ELOC: variants seen among roughly 807,000 people sequenced by gnomAD.
ELOC encodes the protein elongin-C.
For missense variants in ELOC, 38 were observed against 139.0 expected (o/e 0.27, Z 3.65); for synonymous variants, 40 against 51.3 (o/e 0.78, Z 0.94).
chr8:73,961,926 C>A (rs974525749), intron 1 of ELOC, among the ~76,000 whole-genome samples: 2 of 150,710 alleles, frequency 1.3e-5, no homozygotes, highest in Middle Eastern at 3.3e-3. Context: ...GACAGAGTCT[C>A]ACTCTTTGGC....
intron 1 of ELOC, among the ~76,000 whole-genome samples, chr8:73,967,468 C>CTTTTTT (rs201615321): frequency 7.4e-6 from 1 of 135,852 alleles, no homozygotes; most frequent in Non-Finnish European, 1.6e-5. Flanking sequence ...ATTTTCTTTT[C>CTTTTTT]TTTTTTTTTT....
At chr8:73,954,573 A>C (rs1814015070) in intron 3 of ELOC, among the ~76,000 whole-genome samples, 2 of 149,270 alleles carry the variant, frequency 1.3e-5, no homozygotes, top group Admixed American at 6.7e-5. Context: ...AATCACTTGA[A>C]CCCGGGAGGC....
At chr8:73,956,355 A>G (rs1814188537) in intron 2 of ELOC, among the ~76,000 whole-genome samples, 1 of 152,248 alleles carries the variant, frequency 6.6e-6, no homozygotes, top group African/African-American at 2.4e-5. Flanking sequence ...ACTGTAGTCC[A>G]GCCTGGATGA....
intron 2 of ELOC, among the ~76,000 whole-genome samples, chr8:73,959,242 G>A (rs1814424477): frequency 6.6e-6 from 1 of 152,076 alleles, no homozygotes; most frequent in Non-Finnish European, 1.5e-5. Flanking sequence ...AAATTTACCT[G>A]TTGCCCAGGC....
intron 1 of ELOC, among the ~76,000 whole-genome samples, chr8:73,964,268 A>G (rs1814819886): frequency 2.1e-5 from 3 of 145,902 alleles, no homozygotes; most frequent in Non-Finnish European, 4.5e-5. Context: ...AAAAAAAGAT[A>G]AGCACAGATT....
At chr8:73,970,080 C>T (rs138258414) in intron 1 of ELOC, among the ~76,000 whole-genome samples, 117 of 152,168 alleles carry the variant, frequency 7.7e-4, no homozygotes, top group African/African-American at 2.7e-3. Context: ...ACTTGAGCCC[C>T]CAAAACAAAA....
chr8:73,964,153 A>G (rs2131167130), intron 1 of ELOC, among the ~76,000 whole-genome samples: 1 of 149,896 alleles, frequency 6.7e-6, no homozygotes, highest in South Asian at 2.1e-4. Context: ...AGGTAATCAC[A>G]GTATGTTAAG....
chr8:73,956,195 A>C (rs1422689419), intron 2 of ELOC, 141 bp from the exon 3 acceptor site: 1 of 703,888 alleles, frequency 1.4e-6, no homozygotes, highest in Non-Finnish European at 2.4e-6. Context: ...GTTCAAGACC[A>C]GCCTGGTCAA....
At chr8:73,950,351 AAAAAC>A (rs1215630229) in intron 3 of ELOC, among the ~76,000 whole-genome samples, 2 of 152,212 alleles carry the variant, frequency 1.3e-5, no homozygotes, top group East Asian at 1.9e-4. Flanking sequence ...ACTCAAAAAC[AAAAAC>A]AAAACACTCT....
chr8:73,969,918 G>C (rs1286743917), intron 1 of ELOC, among the ~76,000 whole-genome samples: 2 of 152,198 alleles, frequency 1.3e-5, no homozygotes, highest in Admixed American at 6.5e-5. Flanking sequence ...TACTGGATGG[G>C]CTTTTTCTGC....
rs1813320287 is a variant in ELOC, at chr8:73,945,358, A to C, written c.*1272T>G. 2.0e-5 allele frequency: 3 copies of C among 151,964 alleles called. No individual in the cohort carries two copies. The highest frequency in any genetic ancestry group is 7.3e-5 in the African/African-American group (3 of 41,350). The allele number at this position is 151,964 out of a possible 1,614,324, so 9.4% of individuals were successfully genotyped here. A position where few individuals can be genotyped will look rare whatever the true frequency, so the allele number is the denominator to read the frequency against. Reference sequence around the variant, plus strand: ...GGTCTCAAACTCCTGGCCTCAAGTGATCTACCCGCCTCGTCCTCTGAAAGT... The same window carrying C: ...GGTCTCAAACTCCTGGCCTCAAGTGCTCTACCCGCCTCGTCCTCTGAAAGT... On this transcript the variant is annotated 3_prime_UTR_variant, in exon 4 of 4. Transcript: ENST00000520242.
chr8:73,952,523 G>GT (rs1290404943), intron 3 of ELOC, among the ~76,000 whole-genome samples: 5 of 150,290 alleles, frequency 3.3e-5, no homozygotes, highest in Non-Finnish European at 7.4e-5. Context: ...GCTCATGCCT[G>GT]TAATCCCAGC....
At chr8:73,967,364 T>C (rs1472719306) in intron 1 of ELOC, among the ~76,000 whole-genome samples, 1 of 151,988 alleles carries the variant, frequency 6.6e-6, no homozygotes, top group Non-Finnish European at 1.5e-5. Context: ...GCCACTGGAG[T>C]GCAAAAGCAG....
At chr8:73,961,695 T>C (rs1563682473) in intron 1 of ELOC, among the ~76,000 whole-genome samples, 1 of 152,080 alleles carries the variant, frequency 6.6e-6, no homozygotes, top group Non-Finnish European at 1.5e-5. Context: ...TGTATTTTAG[T>C]AGAGACCAGG....
chr8:73,960,103 G>C (rs1814489903), intron 1 of ELOC, among the ~76,000 whole-genome samples: 1 of 152,094 alleles, frequency 6.6e-6, no homozygotes, highest in South Asian at 2.1e-4. Context: ...TGGGGTTGTT[G>C]AAGAGGTTGT....
intron 3 of ELOC, among the ~76,000 whole-genome samples, chr8:73,947,282 C>T (rs10441570): frequency 7.2e-5 from 11 of 152,032 alleles, no homozygotes; most frequent in African/African-American, 1.2e-4. Flanking sequence ...CCACCGCGCC[C>T]GGCCATGATT....
At chr8:73,968,624 A>C (rs1230275901) in intron 1 of ELOC, among the ~76,000 whole-genome samples, 3 of 152,218 alleles carry the variant, frequency 2.0e-5, no homozygotes, top group Non-Finnish European at 4.4e-5. Context: ...CTGTGTTTAT[A>C]TATTTTGTCC....
At chr8:73,967,544 T>G (rs1410682936) in intron 1 of ELOC, among the ~76,000 whole-genome samples, 1 of 151,180 alleles carries the variant, frequency 6.6e-6, no homozygotes, top group Non-Finnish European at 1.5e-5. Flanking sequence ...CTTGGCTCAC[T>G]GCAACCTCCA....
At chr8:73,962,582 A>AAAAC (rs1241637087) in intron 1 of ELOC, among the ~76,000 whole-genome samples, 1 of 152,168 alleles carries the variant, frequency 6.6e-6, no homozygotes, top group Non-Finnish European at 1.5e-5. Flanking sequence ...AAACAAAAAA[A>AAAAC]AAAACAAAAC....
Sources: gnomAD v4.1 joint callset for allele counts (sites outside exome capture counted in the v4.1 genomes callset) on GRCh38, gnomAD v4.1.1 for gene constraint, MANE v1.5 for transcripts, NCBI Gene and HGNC (gene_info 2026-07-23, HGNC 2026-07-21) for gene names.